Variants in RAD51B observed in about 807,000 individuals in gnomAD.
RAD51B encodes RAD51 paralog B.
RAD51B carries 38 observed loss-of-function variants against 42.2 expected under a neutral mutation model. The observed-to-expected ratio is 0.90, with a 90% CI of 0.70 to 1.18. RAD51B has a LOEUF of 1.18. RAD51B is among the 50% of genes most tolerant of loss of function. The pLI, the probability that RAD51B is intolerant of heterozygous loss-of-function variation, is 0.00. For missense variants in RAD51B, 373 were observed against 400.7 expected, an observed-to-expected ratio of 0.93 and a Z score of 0.59; for synonymous variants, 154 against 145.2, an observed-to-expected ratio of 1.06 and a Z score of -0.43.
chr14:68,570,915 G>GCACA (rs750119992), intron 10 of RAD51B, among the ~76,000 whole-genome samples: 1 of 147,968 alleles, frequency 6.8e-6, no homozygotes, highest in African/African-American at 2.5e-5. Flanking sequence ...ACACACACAT[G>GCACA]CACACACACA....
chr14:68,428,983 C>G (rs1216431967), intron 9 of RAD51B, among the ~76,000 whole-genome samples: 2 of 150,570 alleles, frequency 1.3e-5, no homozygotes, highest in Non-Finnish European at 3.0e-5. Context: ...TCAATTCCCA[C>G]TATGAGTGAG....
chr14:68,449,973 T>G (rs2085515074), intron 9 of RAD51B, among the ~76,000 whole-genome samples: 1 of 152,180 alleles, frequency 6.6e-6, no homozygotes, highest in African/African-American at 2.4e-5. Context: ...CTAGTTTACT[T>G]CTAAAACATG....
intron 9 of RAD51B, among the ~76,000 whole-genome samples, chr14:68,432,073 C>A (rs2085023051): frequency 6.6e-6 from 1 of 152,200 alleles, no homozygotes; most frequent in Non-Finnish European, 1.5e-5. Context: ...GAGTGAGTTT[C>A]TTAATCCTGA....
chr14:68,333,037 C>G (rs994925148), intron 8 of RAD51B, among the ~76,000 whole-genome samples: 2 of 152,114 alleles, frequency 1.3e-5, no homozygotes, highest in South Asian at 2.1e-4. Flanking sequence ...TGTCCACAAC[C>G]CACCCACCCA....
intron 8 of RAD51B, among the ~76,000 whole-genome samples, chr14:68,391,136 G>T (rs936944108): frequency 2.0e-4 from 29 of 141,676 alleles, no homozygotes; most frequent in African/African-American, 4.9e-4. Flanking sequence ...TATGAGACTT[G>T]TCTTTCTTTC....
chr14:67,895,890 C>T (rs938026038), intron 7 of RAD51B, among the ~76,000 whole-genome samples: 3 of 152,044 alleles, frequency 2.0e-5, no homozygotes, highest in African/African-American at 7.2e-5. Context: ...TCTTTCCTAT[C>T]TGAGCTCTCA....
chr14:68,667,105 T>C (rs1055755645), intron 11 of RAD51B, among the ~76,000 whole-genome samples: 1 of 152,240 alleles, frequency 6.6e-6, no homozygotes, highest in Non-Finnish European at 1.5e-5. Flanking sequence ...TCTAGAGAGA[T>C]GTAGCTATAG....
intron 7 of RAD51B, among the ~76,000 whole-genome samples, chr14:68,136,575 CAAAAAAAA>C (rs1204817902): frequency 6.7e-4 from 3 of 4,450 alleles, no homozygotes; most frequent in African/African-American, 1.1e-3. Context: ...GACTCCATCT[CAAAAAAAA>C]AAAAAAAAAA....
intron 7 of RAD51B, among the ~76,000 whole-genome samples, chr14:68,191,957 T>C (rs971593572): frequency 3.3e-5 from 5 of 152,190 alleles, no homozygotes; most frequent in Non-Finnish European, 7.3e-5. Context: ...AGCTTTATGA[T>C]ATACTCAGAT....
At chr14:67,923,455 A>G (rs2044399809) in intron 7 of RAD51B, among the ~76,000 whole-genome samples, 1 of 151,462 alleles carries the variant, frequency 6.6e-6, no homozygotes, top group South Asian at 2.1e-4. Flanking sequence ...ATGTGCCACC[A>G]CGCCTGGCTA....
chr14:67,973,193 T>C (rs1244393695), intron 7 of RAD51B, among the ~76,000 whole-genome samples: 2 of 152,166 alleles, frequency 1.3e-5, no homozygotes, highest in Non-Finnish European at 2.9e-5. Context: ...CTAAGGATTT[T>C]GGACTGAAGT....
chr14:67,945,495 GT>G (rs1021687154), intron 7 of RAD51B, among the ~76,000 whole-genome samples: 5 of 151,920 alleles, frequency 3.3e-5, no homozygotes, highest in African/African-American at 1.2e-4. Context: ...TTTTTTGTTT[GT>G]TTGTTTTTTG....
At chr14:68,074,073 C>G (rs2076795968) in intron 7 of RAD51B, among the ~76,000 whole-genome samples, 1 of 152,108 alleles carries the variant, frequency 6.6e-6, no homozygotes, top group Admixed American at 6.5e-5. Flanking sequence ...GTCAACCTCT[C>G]TAGTGAGGTT....
At chr14:68,654,560 G>A (rs551425084) in intron 11 of RAD51B, among the ~76,000 whole-genome samples, 14 of 152,138 alleles carry the variant, frequency 9.2e-5, no homozygotes, top group Non-Finnish European at 1.8e-4. Context: ...AGAACTCCCC[G>A]CCCCATCTCC....
chr14:68,153,214 A>C (rs777074277), intron 7 of RAD51B, among the ~76,000 whole-genome samples: 12 of 152,234 alleles, frequency 7.9e-5, no homozygotes, highest in Non-Finnish European at 1.3e-4. Context: ...CTTGTCATAC[A>C]TTTAAATATA....
chr14:68,072,113 A>AT (rs1415972361), intron 7 of RAD51B, among the ~76,000 whole-genome samples: 1 of 135,788 alleles, frequency 7.4e-6, no homozygotes, highest in African/African-American at 2.8e-5. Flanking sequence ...AAATATAAAA[A>AT]ATATATAAAA....
At chr14:68,668,669 A>C (rs1197473221) in intron 11 of RAD51B, among the ~76,000 whole-genome samples, 1 of 152,232 alleles carries the variant, frequency 6.6e-6, no homozygotes, top group Admixed American at 6.5e-5. Flanking sequence ...TAAAGGAATT[A>C]TGATCCATGG....
rs77458065 is a variant in RAD51B at position 68,360,855 on chromosome 14, T to C, written c.854-50569T>C. ...AATGGGCAGCTGTGTAGAAATGTGATTGGACAAAAAAGGGTCTGATCTAAT... is the reference window on the plus strand; with the variant it reads ...AATGGGCAGCTGTGTAGAAATGTGACTGGACAAAAAAGGGTCTGATCTAAT... On this transcript the variant is annotated intron_variant, in intron 8 of 10. Transcript: ENST00000471583. Among the ~76,000 whole-genome samples, 495 of 152,208 alleles carry C rather than the reference T, an allele frequency of 3.3e-3. 2 individuals carry two copies. The highest frequency in any genetic ancestry group is 0.012 in the African/African-American group (481 of 41,550).
Position 68,062,705 on chromosome 14 carries a change from A to C in RAD51B, c.756+175501A>C, listed in dbSNP as rs1369610588. On this transcript the variant is annotated intron_variant, in intron 7 of 10. Coordinates refer to ENST00000471583, the MANE Select transcript of RAD51B (RefSeq NM_133510.4). ...GCACCTGTAATCCTAGCTACTCAGG[A>C]GGCTGAGACATGAGAATCACTTGAA... Among the ~76,000 whole-genome samples the C allele has an allele frequency of 2.0e-5, 3 of 150,818 alleles. No homozygotes were observed. The East Asian group carries it at 5.9e-4, about 30-fold the overall frequency.
Sources: gnomAD v4.1 joint callset for allele counts (sites outside exome capture counted in the v4.1 genomes callset) on GRCh38, gnomAD v4.1.1 for gene constraint, MANE v1.5 for transcripts, NCBI Gene and HGNC (gene_info 2026-07-23, HGNC 2026-07-21) for gene names.